The following MAGI2 variants were observed in gnomAD, a reference collection of about 807,000 sequenced individuals.
MAGI2 encodes the protein membrane associated guanylate kinase, WW and PDZ domain containing 2, also known as membrane-associated guanylate kinase, WW and PDZ domain-containing protein 2.
In MAGI2, 35 loss-of-function variants were observed where a neutral mutation model predicts 133.3. The ratio of observed to expected loss-of-function variants is 0.26; its 90% CI spans 0.20 to 0.35. The LOEUF is 0.35. MAGI2 is among the 10% of genes least tolerant of loss of function. The probability of loss-of-function intolerance (pLI) is 1.00; values close to 1 mark genes in which losing one functional copy is unlikely to be tolerated. For synonymous variants in MAGI2, 729 were observed against 710.6 expected (o/e 1.03, Z -0.41); for missense variants, 1,636 against 1,863.4 (o/e 0.88, Z 2.25).
intron 1 of MAGI2, among the ~76,000 whole-genome samples, chr7:79,450,935 C>T: frequency 6.6e-6 from 1 of 152,130 alleles, no homozygotes; most frequent in East Asian, 1.9e-4. Context: ...GATTTATCAC[C>T]ATTTTGTCCT....
rs182733832 is a variant in MAGI2, at chr7:78,646,665, G to A, written c.419-19426C>T. The stretch of plus-strand genomic sequence containing the variant: ...TTATAAAGCTATAGGACAATATAAT[G>A]GAAGATCCCATATCATGTCCAAAGA... On this transcript the variant is annotated intron_variant, in intron 2 of 21. Transcript: ENST00000354212. 6.6e-5 allele frequency among the ~76,000 whole-genome samples: 10 copies of A among 152,242 alleles called. No homozygotes were observed. In the East Asian group the frequency reaches 1.7e-3, roughly 26 times the overall value.
At chr7:78,096,708 A>C (rs1378902045) in intron 20 of MAGI2, among the ~76,000 whole-genome samples, 2 of 152,132 alleles carry the variant, frequency 1.3e-5, no homozygotes, top group African/African-American at 4.8e-5. Context: ...CTTTTGTACT[A>C]TTACTGCAGT....
intron 2 of MAGI2, among the ~76,000 whole-genome samples, chr7:78,794,843 CA>C (rs1233188415): frequency 6.6e-6 from 1 of 152,062 alleles, no homozygotes; most frequent in Non-Finnish European, 1.5e-5. Flanking sequence ...TAACCAAGAT[CA>C]GGGGCAAATT....
At chr7:79,184,587 T>G (rs1826905613) in intron 1 of MAGI2, among the ~76,000 whole-genome samples, 1 of 151,608 alleles carries the variant, frequency 6.6e-6, no homozygotes, top group Non-Finnish European at 1.5e-5. Flanking sequence ...AAGGCATAAA[T>G]GTAGATATTT....
At chr7:78,679,803 T>C (rs1815453050) in intron 2 of MAGI2, among the ~76,000 whole-genome samples, 1 of 152,096 alleles carries the variant, frequency 6.6e-6, no homozygotes, top group Non-Finnish European at 1.5e-5. Context: ...GTGCTTTCAT[T>C]TTAACAAAAC....
intron 2 of MAGI2, among the ~76,000 whole-genome samples, chr7:78,826,564 C>T (rs755497187): frequency 2.0e-5 from 3 of 151,804 alleles, no homozygotes; most frequent in Non-Finnish European, 4.4e-5. Context: ...AACTATTACG[C>T]GTGATGGTGT....
rs542994102 is a variant in MAGI2, at chr7:78,750,356, G to T, written c.419-123117C>A. On this transcript the variant is annotated intron_variant, in intron 2 of 21. Coordinates refer to ENST00000354212, the MANE Select transcript of MAGI2 (RefSeq NM_012301.4). ...GCAATAAACATATGTGTGTACGTGT[G>T]CATGTGTCTTTATGGTAGAATGATT... Among the ~76,000 whole-genome samples, 174 of 152,240 alleles carry T rather than the reference G, an allele frequency of 1.1e-3. 2 individuals are homozygous for T. The highest frequency in any genetic ancestry group is 1.1e-3 in the Non-Finnish European group (78 of 68,032).
rs144016704 is a variant in MAGI2, at chr7:78,634,606, T to C, written c.419-7367A>G. Among the ~76,000 whole-genome samples, 644 of 152,294 alleles carry C rather than the reference T, an allele frequency of 4.2e-3. 2 individuals are homozygous for C. Among genetic ancestry groups the C allele is most frequent in the Non-Finnish European group, 5.4e-3 (368 of 67,998 alleles). On this transcript the variant is annotated intron_variant, in intron 2 of 21. Coordinates refer to ENST00000354212, the MANE Select transcript of MAGI2 (RefSeq NM_012301.4). ...AATTTGCAGCTAAAGGTAATTAATA[T>C]CTAGACTGGGGAAACAAGTTAAATT...
chr7:79,196,588 T>C lies in MAGI2; in HGVS notation c.302-189382A>G, dbSNP rs146507030. On this transcript the variant is annotated intron_variant, in intron 1 of 21. Transcript: ENST00000354212. ...TCTTAGTACAATAGAATAATCATTT[T>C]TAGTTAATAATCAATGTTTATATCA... is the stretch of plus-strand genomic sequence containing the variant. Among the ~76,000 whole-genome samples the C allele has an allele frequency of 2.2e-4, 34 of 152,122 alleles. No homozygotes were observed. The East Asian group carries it at 6.4e-3, about 29-fold the overall frequency.
At chr7:78,748,588 T>C (rs1214959248) in intron 2 of MAGI2, among the ~76,000 whole-genome samples, 1 of 152,208 alleles carries the variant, frequency 6.6e-6, no homozygotes, top group African/African-American at 2.4e-5. Context: ...AATTATATTT[T>C]CCTTAATTAA....
intron 9 of MAGI2, among the ~76,000 whole-genome samples, chr7:78,276,234 T>C (rs1170176323): frequency 6.6e-6 from 1 of 152,128 alleles, no homozygotes; most frequent in Non-Finnish European, 1.5e-5. Context: ...TTGGAAAAAA[T>C]ATTAATTAAA....
chr7:78,642,152 A>G (rs1382196835), intron 2 of MAGI2, among the ~76,000 whole-genome samples: 2 of 152,314 alleles, frequency 1.3e-5, no homozygotes, highest in African/African-American at 4.8e-5. Context: ...TGTGTATGTT[A>G]CATGGTCACC....
In MAGI2 at chr7:78,719,184, A is replaced by G. The variant is rs17151366; in HGVS notation, c.419-91945T>C. 9.5e-3 allele frequency among the ~76,000 whole-genome samples: 1,441 copies of G among 152,278 alleles called. 27 individuals carry two copies. The highest frequency in any genetic ancestry group is 0.033 in the African/African-American group (1,373 of 41,568). On this transcript the variant is annotated intron_variant, in intron 2 of 21. Coordinates refer to ENST00000354212, the MANE Select transcript of MAGI2 (RefSeq NM_012301.4). Reference sequence around the variant, plus strand: ...TGAACCAATTAATAGGATGTTAAAGAAAAAGGTAAGAATTTGTTTGAACTC... The same window carrying G: ...TGAACCAATTAATAGGATGTTAAAGGAAAAGGTAAGAATTTGTTTGAACTC...
At chr7:78,788,960 C>T (rs537871000) in intron 2 of MAGI2, among the ~76,000 whole-genome samples, 1 of 152,100 alleles carries the variant, frequency 6.6e-6, no homozygotes, top group Non-Finnish European at 1.5e-5. Flanking sequence ...TCTCCTGGGT[C>T]GCTGTCCAGA....
chr7:78,688,245 C>G (rs188017383), intron 2 of MAGI2, among the ~76,000 whole-genome samples: 1 of 151,976 alleles, frequency 6.6e-6, no homozygotes, highest in Admixed American at 6.6e-5. Flanking sequence ...TATTTTTTAG[C>G]CTTTCACCAG....
At chr7:78,663,414 C>T (rs188811831) in intron 2 of MAGI2, among the ~76,000 whole-genome samples, 29 of 152,084 alleles carry the variant, frequency 1.9e-4, no homozygotes, top group African/African-American at 6.5e-4. Flanking sequence ...ACCCTGTTGG[C>T]CAGGATGGTC....
intron 2 of MAGI2, among the ~76,000 whole-genome samples, chr7:78,701,798 T>G: frequency 6.6e-6 from 1 of 152,022 alleles, no homozygotes; most frequent in East Asian, 1.9e-4. Flanking sequence ...GTTAAAAGGC[T>G]TTCTTATAAT....
At chr7:78,914,049 T>C (rs1437230816) in intron 2 of MAGI2, among the ~76,000 whole-genome samples, 1 of 152,124 alleles carries the variant, frequency 6.6e-6, no homozygotes, top group Non-Finnish European at 1.5e-5. Flanking sequence ...GCCCAGAAAA[T>C]TTAAGCATTT....
intron 6 of MAGI2, among the ~76,000 whole-genome samples, chr7:78,479,642 A>G (rs1792152157): frequency 6.6e-6 from 1 of 151,976 alleles, no homozygotes; most frequent in African/African-American, 2.4e-5. Context: ...AAACAGGGAC[A>G]TTCTTGGCTA....
Sources: gnomAD v4.1 joint callset for allele counts (sites outside exome capture counted in the v4.1 genomes callset) on GRCh38, gnomAD v4.1.1 for gene constraint, MANE v1.5 for transcripts, NCBI Gene and HGNC (gene_info 2026-07-23, HGNC 2026-07-21) for gene names.